ANO2: variants seen among roughly 807,000 people sequenced by gnomAD.
The protein encoded by ANO2 is anoctamin 2.
Under a neutral mutation model 124.2 loss-of-function variants are expected in ANO2, and 101 were observed. The ratio of observed to expected loss-of-function variants is 0.81; its 90% CI spans 0.69 to 0.96. ANO2 has a LOEUF of 0.96. ANO2 is among the 40% of genes least tolerant of loss of function. The probability of loss-of-function intolerance (pLI) is 0.00; values close to 1 mark genes in which losing one functional copy is unlikely to be tolerated. For missense variants in ANO2, 1,293 were observed against 1,274.5 expected, an observed-to-expected ratio of 1.01 and a Z score of -0.22; for synonymous variants, 486 against 482.5, an observed-to-expected ratio of 1.01 and a Z score of -0.09.
At chr12:5,574,497 C>T (rs1942296005) in intron 23 of ANO2, among the ~76,000 whole-genome samples, 1 of 151,432 alleles carries the variant, frequency 6.6e-6, no homozygotes, top group Non-Finnish European at 1.5e-5. Flanking sequence ...TCAGCATATT[C>T]CCTCTCCCTA....
At chr12:5,788,327 CAACATCAATGTAAT>C (rs1333683074) in intron 10 of ANO2, among the ~76,000 whole-genome samples, 1 of 152,168 alleles carries the variant, frequency 6.6e-6, no homozygotes, top group African/African-American at 2.4e-5. Context: ...GTTTGTTATG[CAACATCAATGTAAT>C]AACAGTTAAC....
At chr12:5,666,981 A>T (rs1472235101) in intron 14 of ANO2, among the ~76,000 whole-genome samples, 1 of 151,780 alleles carries the variant, frequency 6.6e-6, no homozygotes, top group Non-Finnish European at 1.5e-5. Flanking sequence ...CTCAGTAAAA[A>T]CTCTGGACAC....
intron 14 of ANO2, among the ~76,000 whole-genome samples, chr12:5,696,465 A>C (rs1451243320): frequency 6.6e-6 from 1 of 151,930 alleles, no homozygotes; most frequent in South Asian, 2.1e-4. Context: ...AAAACCACTA[A>C]AAAAAAGCCT....
intron 20 of ANO2, among the ~76,000 whole-genome samples, chr12:5,586,930 C>T (rs1360396933): frequency 6.6e-6 from 1 of 152,216 alleles, no homozygotes; most frequent in Non-Finnish European, 1.5e-5. Context: ...TGGATGACAG[C>T]ATTCCCTAAT....
intron 19 of ANO2, among the ~76,000 whole-genome samples, chr12:5,610,723 C>CATATATACATAT (rs1555100504): frequency 4.2e-4 from 49 of 116,866 alleles, no homozygotes; most frequent in African/African-American, 5.4e-4. Flanking sequence ...CACATATATA[C>CATATATACATAT]ATATATATAT....
Position 5,635,110 on chromosome 12 carries a change from A to G in ANO2, c.1816+42T>C. ...CCAAAAGCCTTGCACGCATTGACTT[A>G]AAGAGGGCCTAGGACAGCCAGAAGT... is the stretch of plus-strand genomic sequence containing the variant. On this transcript the variant is annotated intron_variant, in intron 16 of 24. Coordinates refer to ENST00000682330, the MANE Select transcript of ANO2 (RefSeq NM_001364791.2). This position sits in a 1 kb window ranked among gnomAD's most constrained non-coding sequence, Gnocchi z 5.2. 1 of 1,497,076 alleles carries G rather than the reference A, an allele frequency of 6.7e-7. No individual in the cohort carries two copies. The highest frequency in any genetic ancestry group is 8.9e-7 in the Non-Finnish European group (1 of 1,124,958). The allele number at this position is 1,497,076 out of a possible 1,614,324, so 92.7% of individuals were successfully genotyped here. A position where few individuals can be genotyped will look rare whatever the true frequency, so the allele number is the denominator to read the frequency against.
chr12:5,866,339 A>G (rs1170470801), intron 3 of ANO2, among the ~76,000 whole-genome samples: 3 of 152,188 alleles, frequency 2.0e-5, no homozygotes, highest in Non-Finnish European at 4.4e-5. Flanking sequence ...AAAGATAGAG[A>G]AATTGGTTGT....
intron 1 of ANO2, among the ~76,000 whole-genome samples, chr12:5,926,061 G>T (rs772732565): frequency 6.6e-6 from 1 of 152,128 alleles, no homozygotes; most frequent in Non-Finnish European, 1.5e-5. Context: ...CCAAACATAC[G>T]ATCTTCTCCA....
chr12:5,845,245 A>C (rs1954645842), intron 4 of ANO2, among the ~76,000 whole-genome samples: 1 of 151,958 alleles, frequency 6.6e-6, no homozygotes, highest in Non-Finnish European at 1.5e-5. Context: ...AGCCTGGGCA[A>C]GACTTTTTTG....
chr12:5,692,313 G>A (rs370516194), intron 14 of ANO2, among the ~76,000 whole-genome samples: 10 of 151,982 alleles, frequency 6.6e-5, no homozygotes, highest in Admixed American at 3.9e-4. Context: ...CTACGTTTTC[G>A]TCCTCCTCAT....
intron 10 of ANO2, among the ~76,000 whole-genome samples, chr12:5,795,670 A>G (rs1952823380): frequency 1.3e-5 from 2 of 152,188 alleles, no homozygotes; most frequent in South Asian, 2.1e-4. Flanking sequence ...AACTCAGAAG[A>G]TGCTTAAGAC....
In ANO2 at chr12:5,619,322, T is replaced by G. The variant is rs372452078; in HGVS notation, c.1817-4025A>C. 5.3e-5 allele frequency among the ~76,000 whole-genome samples: 8 copies of G among 152,286 alleles called. No individual in the cohort carries two copies. In the South Asian group the frequency reaches 1.7e-3, roughly 32 times the overall value. ...ATTTGGTAAAAATGTTGTAAAAGAT[T>G]TAATAGAAATATAGGTAGACACGTA... On this transcript the variant is annotated intron_variant, in intron 16 of 24. Transcript: ENST00000682330.
At position 5,612,613 on chromosome 12, in the gene ANO2, C is replaced by A. The variant is rs553119366; in HGVS notation, c.2087+43G>T. 75 of 1,565,374 alleles carry A rather than the reference C, an allele frequency of 4.8e-5. 1 individual carries two copies. In the South Asian group the frequency reaches 8.2e-4, roughly 17 times the overall value. ...TGAAAGGCTGGCACTTCTGGGCTAA[C>A]CCCTGGCAGCAAGGAGAGAGGTTAG... On this transcript the variant is annotated intron_variant, in intron 19 of 24. Coordinates refer to ENST00000682330, the MANE Select transcript of ANO2 (RefSeq NM_001364791.2).
chr12:5,938,270 G>C (rs552621641), intron 1 of ANO2, among the ~76,000 whole-genome samples: 1 of 152,116 alleles, frequency 6.6e-6, no homozygotes, highest in Non-Finnish European at 1.5e-5. Context: ...TTTCCTCCAT[G>C]TGGACTCCAG....
At chr12:5,578,640 TTA>T in intron 20 of ANO2, 122 bp from the exon 21 acceptor site, 1 of 1,010,968 alleles carries the variant, frequency 9.9e-7, no homozygotes, top group South Asian at 1.8e-5. Flanking sequence ...GGGGTAATTT[TTA>T]GTCTCCCTTT....
Position 5,904,665 on chromosome 12 carries a change from G to T in ANO2, c.534+16375C>A, listed in dbSNP as rs904219793. 6.6e-6 allele frequency among the ~76,000 whole-genome samples: 1 copy of T among 152,142 alleles called. No homozygotes were observed. The highest frequency in any genetic ancestry group is 1.5e-5 in the Non-Finnish European group (1 of 68,026). The stretch of plus-strand genomic sequence containing the variant: ...GCCACAGCACCCGATGCTCCTTCTC[G>T]ATCTTCAAATTTTGCAGTGTCATCC... On this transcript the variant is annotated intron_variant, in intron 3 of 24. Coordinates refer to ENST00000682330, the MANE Select transcript of ANO2 (RefSeq NM_001364791.2). The surrounding 1 kb of genome is among the most constrained non-coding windows in gnomAD (Gnocchi z 4.1).
chr12:5,682,625 A>C (rs932622637), intron 14 of ANO2, among the ~76,000 whole-genome samples: 1 of 152,186 alleles, frequency 6.6e-6, no homozygotes, highest in African/African-American at 2.4e-5. Context: ...AAGCCAAGAA[A>C]TACCACGTTA....
At chr12:5,879,179 C>G (rs1022729079) in intron 3 of ANO2, among the ~76,000 whole-genome samples, 1 of 152,164 alleles carries the variant, frequency 6.6e-6, no homozygotes, top group African/African-American at 2.4e-5. Context: ...AGCTAAGGAG[C>G]CACGTGAAGC....
At chr12:5,942,403 T>C (rs1942932208) in intron 1 of ANO2, among the ~76,000 whole-genome samples, 1 of 152,248 alleles carries the variant, frequency 6.6e-6, no homozygotes, top group Non-Finnish European at 1.5e-5. Context: ...TACAGCTCGT[T>C]ATGTTGGGCA....
Sources: gnomAD v4.1 joint callset for allele counts (sites outside exome capture counted in the v4.1 genomes callset) on GRCh38, gnomAD v4.1.1 for gene constraint, Gnocchi (gnomAD v3.1) non-coding constraint, MANE v1.5 for transcripts, NCBI Gene and HGNC (gene_info 2026-07-23, HGNC 2026-07-21) for gene names.